The following NLRP1 variants were observed in gnomAD, a reference collection of about 807,000 sequenced individuals.
NLRP1 encodes NLR family pyrin domain containing 1, also known as NACHT, LRR and PYD domains-containing protein 1.
NLRP1 carries 94 observed loss-of-function variants against 136.7 expected under a neutral mutation model. The ratio of observed to expected loss-of-function variants is 0.69; its 90% CI spans 0.58 to 0.82. The LOEUF is 0.82. Among genes scored for constraint, NLRP1 ranks in the 40% least tolerant of loss-of-function variants. NLRP1 has a pLI of 0.00. For synonymous variants in NLRP1, 690 were observed against 725.1 expected (o/e 0.95, Z 0.78); for missense variants, 1,575 against 1,802.7 (o/e 0.87, Z 2.29).
Position 5,521,538 on chromosome 17 carries a change from A to T in NLRP1, c.3769T>A (p.Cys1257Ser). The change falls in exon 13 of 17, where the codon TGC (cysteine) becomes AGC (serine). Residue 1257 changes from cysteine (C) to serine (S), a missense_variant. Transcript: ENST00000572272. ...CTTAGTGTCACCTTCCGAATGGAGCAGTCACTTGGGATCAGGTAGAGGTGG... is the reference window on the plus strand; with the variant it reads ...CTTAGTGTCACCTTCCGAATGGAGCTGTCACTTGGGATCAGGTAGAGGTGG... ...TFHLYLIPSD[C>S]SIRKAIDDLE... 1 of 1,613,810 alleles carries T rather than the reference A, an allele frequency of 6.2e-7. No individual in the cohort carries two copies. Among genetic ancestry groups the T allele is most frequent in the Non-Finnish European group, 8.5e-7 (1 of 1,179,902 alleles).
At chr17:5,545,624 G>A (rs1288486732) in intron 5 of NLRP1, among the ~76,000 whole-genome samples, 4 of 152,146 alleles carry the variant, frequency 2.6e-5, no homozygotes, top group Admixed American at 6.5e-5. Flanking sequence ...CCAGGCCCTC[G>A]GTAACGTCTC....
intron 5 of NLRP1, among the ~76,000 whole-genome samples, chr17:5,544,309 T>C (rs1446519135): frequency 6.6e-6 from 1 of 152,212 alleles, no homozygotes; most frequent in Non-Finnish European, 1.5e-5. Context: ...GGCAGCATCA[T>C]GGCACATTTG....
chr17:5,558,654 TC>T lies in NLRP1; in HGVS notation c.2041del (p.Glu681ArgfsTer20). ...TRFLLGLLSD[E>X]GEREMENIFH... ...GATGTTCTCCATCTCTCTCTCCCCC[TC>T]ATCACTTAACAGGCCCAATAGGAAA... On this transcript the variant is annotated frameshift_variant, in exon 4 of 17. Transcript: ENST00000572272. LOFTEE classifies it high-confidence loss of function. The T allele has an allele frequency of 6.2e-7, 1 of 1,614,088 alleles. No homozygotes were observed. The highest frequency in any genetic ancestry group is 8.5e-7 in the Non-Finnish European group (1 of 1,179,998).
At chr17:5,516,766 G>A (rs1908170585) in intron 15 of NLRP1, among the ~76,000 whole-genome samples, 1 of 152,180 alleles carries the variant, frequency 6.6e-6, no homozygotes, top group Non-Finnish European at 1.5e-5. Flanking sequence ...AGCTGGGGCT[G>A]GTTAGTTCTC....
intron 3 of NLRP1, among the ~76,000 whole-genome samples, chr17:5,571,674 T>G (rs1331673527): frequency 1.3e-5 from 2 of 152,126 alleles, no homozygotes; most frequent in African/African-American, 4.8e-5. Context: ...GCCATACTAC[T>G]CCAAGCAATT....
At chr17:5,518,424 G>A (rs1239574786) in intron 14 of NLRP1, 1 of 152,734 alleles carries the variant, frequency 6.5e-6, no homozygotes, top group African/African-American at 2.4e-5. Flanking sequence ...CAATCCAGCA[G>A]GTCCTGTTGG....
intron 3 of NLRP1, among the ~76,000 whole-genome samples, chr17:5,578,704 A>C (rs1905262454): frequency 6.6e-6 from 1 of 152,208 alleles, no homozygotes; most frequent in African/African-American, 2.4e-5. Flanking sequence ...ACAGTGTGGC[A>C]ATTCCTCAAG....
chr17:5,533,796 C>G (rs936164078), intron 9 of NLRP1, 101 bp downstream of exon 9: 1 of 805,648 alleles, frequency 1.2e-6, no homozygotes, highest in African/African-American at 1.7e-5. Flanking sequence ...GAAACCTGCC[C>G]CGTCCCACAT....
At chr17:5,522,055 C>T (rs1181677065) in intron 12 of NLRP1, among the ~76,000 whole-genome samples, 4 of 152,146 alleles carry the variant, frequency 2.6e-5, no homozygotes, top group Admixed American at 6.5e-5. Context: ...GAACTCCTGA[C>T]CTCAGGTGAT....
At chr17:5,532,746 G>T (rs954880591) in intron 11 of NLRP1, 76 bp downstream of exon 11, 2 of 1,364,188 alleles carry the variant, frequency 1.5e-6, no homozygotes, top group African/African-American at 1.5e-5. Context: ...GGGTGGCGCT[G>T]ACTGTCTGTG....
chr17:5,559,961 G>A lies in NLRP1; in HGVS notation c.735C>T (p.His245=). Residue 245 remains histidine, a synonymous_variant, in exon 4 of 17, where the codon CAC becomes CAT. Transcript: ENST00000572272. ...GGTGGTGGTGGGGCTGTAGGCTGGTGTGCGCCTGTGGGGGCGTTCCTACCA... is the reference window on the plus strand; with the variant it reads ...GGTGGTGGTGGGGCTGTAGGCTGGTATGCGCCTGTGGGGGCGTTCCTACCA... The part of the protein sequence containing the change: ...AAVVGTPPQA[H]TSLQPHHHPW... The A allele has an allele frequency of 6.2e-7, 1 of 1,614,072 alleles. No homozygotes were observed. The highest frequency in any genetic ancestry group is 8.5e-7 in the Non-Finnish European group (1 of 1,179,950).
At chr17:5,570,302 A>C (rs1915733874) in intron 3 of NLRP1, among the ~76,000 whole-genome samples, 1 of 152,128 alleles carries the variant, frequency 6.6e-6, no homozygotes, top group South Asian at 2.1e-4. Flanking sequence ...ACCATACAAA[A>C]GATCAACAAA....
At chr17:5,508,265 T>TCCA (rs1303688937) in intron 15 of NLRP1, among the ~76,000 whole-genome samples, 1 of 152,104 alleles carries the variant, frequency 6.6e-6, no homozygotes, top group African/African-American at 2.4e-5. Flanking sequence ...GCCACTGCAC[T>TCCA]CCAGCCTGGG....
chr17:5,582,561 G>C lies in NLRP1; in HGVS notation c.448+109C>G, dbSNP rs199476208. Reference sequence around the variant, plus strand: ...ATCCTGGCTCCCCTATCCTTCCTCTGCTGTCCCCCATGTCAGGTCCCCATG... The same window carrying C: ...ATCCTGGCTCCCCTATCCTTCCTCTCCTGTCCCCCATGTCAGGTCCCCATG... On this transcript the variant is annotated intron_variant, in intron 2 of 16. Coordinates refer to ENST00000572272, the MANE Select transcript of NLRP1 (RefSeq NM_033004.4). 12 of 1,061,582 alleles carry C rather than the reference G, an allele frequency of 1.1e-5. No individual in the cohort carries two copies. In the East Asian group the frequency reaches 1.3e-4, roughly 11 times the overall value. The allele number at this position is 1,061,582 out of a possible 1,614,324, so 65.8% of individuals were successfully genotyped here.
At position 5,559,270 on chromosome 17, in the gene NLRP1, C is replaced by T. The variant is rs1223172032; in HGVS notation, c.1426G>A (p.Val476Ile). ...LIPSLEQARW[V>I]EVLGFSESSR... is the part of the protein sequence containing the mutation. ...GACTCAGAGAACCCCAGGACCTCTA[C>T]CCAACGTGCCTGCTCCAAAGAAGGA... is the stretch of plus-strand genomic sequence containing the variant. Residue 476 changes from valine (V) to isoleucine (I), a missense_variant, in exon 4 of 17, where the codon GTA (valine) becomes ATA (isoleucine). Val to Ile is a conservative substitution (Grantham distance 29, BLOSUM62 3). Coordinates refer to ENST00000572272, the MANE Select transcript of NLRP1 (RefSeq NM_033004.4). 2 of 1,614,074 alleles carry T rather than the reference C, an allele frequency of 1.2e-6. No individual in the cohort carries two copies. The highest frequency in any genetic ancestry group is 2.2e-5 in the East Asian group (1 of 44,898).
At chr17:5,536,444 G>GC (rs1420308970) in intron 8 of NLRP1, among the ~76,000 whole-genome samples, 1 of 122,030 alleles carries the variant, frequency 8.2e-6, no homozygotes, top group Non-Finnish European at 1.7e-5. Flanking sequence ...ACCATGCCCG[G>GC]CTTTTTTTTT....
At chr17:5,501,782 G>C in exon 16 of NLRP1, 1 of 1,598,408 alleles carries the variant, frequency 6.3e-7, no homozygotes, top group East Asian at 2.2e-5. Flanking sequence ...GCCCTCTCTG[G>C]CTTCATTGGT....
Position 5,515,529 on chromosome 17 carries a change from C to G in NLRP1, c.4058-12G>C. 1 of 1,610,154 alleles carries G rather than the reference C, an allele frequency of 6.2e-7. No individual in the cohort carries two copies. The highest frequency in any genetic ancestry group is 8.5e-7 in the Non-Finnish European group (1 of 1,176,480). On this transcript the variant is annotated splice_polypyrimidine_tract_variant and intron_variant, in intron 15 of 16. Coordinates refer to ENST00000572272, the MANE Select transcript of NLRP1 (RefSeq NM_033004.4). ...AGGCATGAGATCTCCTGGAGGAAAA[C>G]AGAGATGAAGATGCATCTGAAACAG...
chr17:5,522,766 C>T (rs1049904843), intron 12 of NLRP1, among the ~76,000 whole-genome samples: 1 of 152,146 alleles, frequency 6.6e-6, no homozygotes, highest in Non-Finnish European at 1.5e-5. Context: ...TATAGAACCT[C>T]TAGTTGCCTG....
Sources: allele counts gnomAD v4.1 joint callset (sites outside exome capture counted in the v4.1 genomes callset), GRCh38; gene constraint gnomAD v4.1.1; transcripts MANE v1.5; gene names NCBI Gene and HGNC (gene_info 2026-07-23, HGNC 2026-07-21).